RGPD1: variants seen among roughly 807,000 people sequenced by gnomAD.
RGPD1 encodes RANBP2 like and GRIP domain containing 1, also known as RANBP2-like and GRIP domain-containing protein 1.
A neutral mutation model predicts 40.6 loss-of-function variants in RGPD1; 7 were observed. That is an observed-to-expected ratio of 0.17 (90% CI 0.10 to 0.32). RGPD1 has a LOEUF of 0.32. Ranked by LOEUF, RGPD1 falls within the 10% of genes least tolerant of loss-of-function variation. The pLI is 1.00. For synonymous variants in RGPD1, 24 were observed against 167.0 expected (o/e 0.14, Z 6.60); for missense variants, 50 against 472.5 (o/e 0.11, Z 8.29).
intron 1 of RGPD1, chr2:86,930,682 G>C: frequency 1.2e-6 from 2 of 1,609,562 alleles, no homozygotes; most frequent in East Asian, 4.5e-5. Flanking sequence ...CACAGCTCTC[G>C]AAGCTGCTGT....
At chr2:86,988,634 TATTC>T (rs1435428769) in intron 20 of RGPD1, among the ~76,000 whole-genome samples, 1 of 53,450 alleles carries the variant, frequency 1.9e-5, no homozygotes, top group East Asian at 7.6e-4. Context: ...TTTAAAAGCA[TATTC>T]ATTTTGTTTC....
At chr2:86,936,091 C>T (rs974438556) in intron 1 of RGPD1, among the ~76,000 whole-genome samples, 1 of 134,788 alleles carries the variant, frequency 7.4e-6, no homozygotes, top group Non-Finnish European at 1.7e-5. Flanking sequence ...CTGCAAGCTC[C>T]ACCTCCCGGG....
intron 1 of RGPD1, among the ~76,000 whole-genome samples, chr2:86,947,943 AG>A (rs1680424104): frequency 1.0e-5 from 1 of 95,698 alleles, no homozygotes; most frequent in African/African-American, 4.0e-5. Context: ...TTAAAAAAAA[AG>A]AGAGAGAAAT....
rs1195311880 is a variant in RGPD1 at position 86,918,313 on chromosome 2, T to A, written c.72+4392T>A. Reference sequence around the variant, plus strand: ...AGAGTGGTGTCTTCAGTATTGGTGATCTCCTTCTAGCTTTGGAGATCACTC... The same window carrying A: ...AGAGTGGTGTCTTCAGTATTGGTGAACTCCTTCTAGCTTTGGAGATCACTC... On this transcript the variant is annotated intron_variant, in intron 1 of 22. Transcript: ENST00000398193. Among the ~76,000 whole-genome samples the A allele has an allele frequency of 3.2e-4, 48 of 150,602 alleles. 1 individual carries two copies. The East Asian group carries it at 5.3e-3, about 17-fold the overall frequency.
chr2:86,960,835 T>C lies in RGPD1; in HGVS notation c.780-2194T>C, dbSNP rs1468479870. On this transcript the variant is annotated intron_variant, in intron 6 of 22. Transcript: ENST00000641458. ...TGATATCCTGACCTTGTGATCCGCC[T>C]GCCTCAGCCTCCCAGAGTGCTGGGA... Among the ~76,000 whole-genome samples, 22 of 37,858 alleles carry C rather than the reference T, an allele frequency of 5.8e-4. 1 individual carries two copies. The highest frequency in any genetic ancestry group is 3.0e-4 in the African/African-American group (1 of 3,384). The allele number at this position is 37,858 out of a possible 152,430, so 24.8% of individuals were successfully genotyped here.
At chr2:86,962,638 G>C (rs1232553125) in intron 6 of RGPD1, among the ~76,000 whole-genome samples, 2 of 120,570 alleles carry the variant, frequency 1.7e-5, no homozygotes, top group Non-Finnish European at 3.4e-5. Flanking sequence ...GAAATGGTAT[G>C]TCTAATTTGA....
At chr2:86,933,321 G>A (rs1380595790) in intron 1 of RGPD1, among the ~76,000 whole-genome samples, 1 of 149,678 alleles carries the variant, frequency 6.7e-6, no homozygotes, top group Non-Finnish European at 1.5e-5. Context: ...GAAAAAAAAG[G>A]AAGAAAAAAA....
intron 1 of RGPD1, among the ~76,000 whole-genome samples, chr2:86,944,257 A>C (rs1573612883): frequency 6.6e-6 from 1 of 152,292 alleles, no homozygotes; most frequent in East Asian, 1.9e-4. Context: ...GTTACAGTCT[A>C]TTCCTCCAGA....
chr2:87,010,856 A>G (rs1682191504), intron 22 of RGPD1, among the ~76,000 whole-genome samples: 3 of 74,410 alleles, frequency 4.0e-5, no homozygotes, highest in Admixed American at 3.5e-4. Context: ...TGGTGAGCTG[A>G]GATCGCACCA....
At chr2:86,943,292 C>G (rs1234444190) in intron 1 of RGPD1, among the ~76,000 whole-genome samples, 1 of 128,420 alleles carries the variant, frequency 7.8e-6, no homozygotes, top group Non-Finnish European at 1.6e-5. Context: ...CCACCCCGCC[C>G]AGAACACTTT....
chr2:86,927,027 C>T (rs998641687), intron 1 of RGPD1, among the ~76,000 whole-genome samples: 2 of 152,122 alleles, frequency 1.3e-5, no homozygotes, highest in African/African-American at 4.8e-5. Flanking sequence ...GGTTAATGCT[C>T]TTCCCATTTT....
In RGPD1 at chr2:86,942,211, G is replaced by C. The variant is rs970621203; in HGVS notation, c.-26G>C. On this transcript the variant is annotated 5_prime_UTR_variant, in exon 1 of 23. Coordinates refer to ENST00000641458, the MANE Select transcript of RGPD1 (RefSeq NM_001382344.1). Reference sequence around the variant, plus strand: ...GCGGGGCTGAGCGCTGGTTTCACGCGTCTCGGGAGCCAGGTTGGCGGTGCG... The same window carrying C: ...GCGGGGCTGAGCGCTGGTTTCACGCCTCTCGGGAGCCAGGTTGGCGGTGCG... 6.3e-7 allele frequency: 1 copy of C among 1,593,522 alleles called. No individual in the cohort carries two copies. Among genetic ancestry groups the C allele is most frequent in the Admixed American group, 1.7e-5 (1 of 58,114 alleles).
intron 4 of RGPD1, among the ~76,000 whole-genome samples, chr2:86,954,995 T>A (rs1212753079): frequency 2.4e-5 from 1 of 41,234 alleles, no homozygotes; most frequent in Non-Finnish European, 5.3e-5. Context: ...GTGTGACTTT[T>A]TTTTTTCTTT....
rs1414272935 is a variant in RGPD1, at chr2:87,013,064, G to A, written c.*517G>A. 1.2e-5 allele frequency: 6 copies of A among 493,866 alleles called. 1 individual carries two copies. Among genetic ancestry groups the A allele is most frequent in the Admixed American group, 7.4e-5 (3 of 40,366 alleles). 30.6% of individuals were successfully genotyped at this position (493,866 alleles called of 1,614,324 possible). ...GACAGGTGATGCCATTTTTTGTTTT[G>A]GACATCGTCCCTCTGTAGTTCTTTC... On this transcript the variant is annotated 3_prime_UTR_variant, in exon 23 of 23. Coordinates refer to ENST00000641458, the MANE Select transcript of RGPD1 (RefSeq NM_001382344.1).
chr2:87,010,981 A>G, intron 22 of RGPD1: 1 of 188,262 alleles, frequency 5.3e-6, no homozygotes, highest in Non-Finnish European at 9.3e-6. Context: ...TGAACACGTT[A>G]CGCAATTATT....
intron 1 of RGPD1, among the ~76,000 whole-genome samples, chr2:86,914,953 G>GCCTCGA (rs1313027651): frequency 3.6e-5 from 5 of 139,024 alleles, no homozygotes; most frequent in African/African-American, 1.5e-4. Flanking sequence ...GGCGGCGGCG[G>GCCTCGA]CCTGGCCTAA....
At position 86,914,798 on chromosome 2, in the gene RGPD1, G is replaced by GGGCGGC. The variant is rs551941000; in HGVS notation, c.72+908_72+913dup. Among the ~76,000 whole-genome samples, 2 of 744 alleles carry GGGCGGC rather than the reference G, an allele frequency of 2.7e-3. 1 individual carries two copies. Among genetic ancestry groups the GGGCGGC allele is most frequent in the Admixed American group, 0.024 (2 of 84 alleles). The allele number at this position is 744 out of a possible 152,430, so 0.5% of individuals were successfully genotyped here. On this transcript the variant is annotated intron_variant, in intron 1 of 22. Transcript: ENST00000398193. ...CGGCGGCGGCGGCCTCCACCTGGAC[G>GGGCGGC]GGCGGCGGCGGCGGCGGCGGCGGCG...
intron 1 of RGPD1, among the ~76,000 whole-genome samples, chr2:86,931,945 GTATTA>G (rs1160196234): frequency 2.1e-5 from 3 of 146,106 alleles, no homozygotes; most frequent in African/African-American, 2.5e-5. Flanking sequence ...ATATATTTAT[GTATTA>G]TATTCATTAT....
intron 1 of RGPD1, among the ~76,000 whole-genome samples, chr2:86,936,943 G>A (rs1403167241): frequency 4.0e-5 from 5 of 124,434 alleles, no homozygotes; most frequent in Admixed American, 3.1e-4. Flanking sequence ...CAGGGACATA[G>A]GGTCAACACT....
Sources: allele counts gnomAD v4.1 joint callset (sites outside exome capture counted in the v4.1 genomes callset), GRCh38; gene constraint gnomAD v4.1.1; transcripts MANE v1.5; gene names NCBI Gene and HGNC (gene_info 2026-07-23, HGNC 2026-07-21).